RBMS1: variants seen among roughly 807,000 people sequenced by gnomAD.
The protein encoded by RBMS1 is RNA binding motif single stranded interacting protein 1.
Under a neutral mutation model 62.3 loss-of-function variants are expected in RBMS1, and 17 were observed. The observed-to-expected ratio is 0.27, with a 90% CI of 0.19 to 0.41. The LOEUF (loss-of-function observed/expected upper bound fraction) is 0.41. Ranked by LOEUF, RBMS1 falls within the 10% of genes least tolerant of loss-of-function variation. RBMS1 has a pLI of 1.00. For missense variants in RBMS1, 334 were observed against 504.5 expected, an observed-to-expected ratio of 0.66 and a Z score of 3.24; for synonymous variants, 172 against 170.0, an observed-to-expected ratio of 1.01 and a Z score of -0.09.
intron 1 of RBMS1, among the ~76,000 whole-genome samples, chr2:160,412,510 A>G (rs1424883092): frequency 6.6e-6 from 1 of 152,154 alleles, no homozygotes; most frequent in Non-Finnish European, 1.5e-5. Flanking sequence ...TGCTCTCTAA[A>G]ACTCTGTAAC....
intron 6 of RBMS1, among the ~76,000 whole-genome samples, chr2:160,298,971 T>C (rs939349323): frequency 2.2e-4 from 33 of 151,590 alleles, no homozygotes; most frequent in African/African-American, 8.0e-4. Context: ...CCTCATAGCC[T>C]GGCTTGGGTG....
intron 1 of RBMS1, among the ~76,000 whole-genome samples, chr2:160,411,747 G>A (rs1320116550): frequency 6.6e-6 from 1 of 152,106 alleles, no homozygotes; most frequent in Non-Finnish European, 1.5e-5. Flanking sequence ...TTTTTTCCAG[G>A]TTTTATCATG....
chr2:160,304,542 C>T (rs567259255), intron 4 of RBMS1, among the ~76,000 whole-genome samples: 9 of 152,102 alleles, frequency 5.9e-5, no homozygotes, highest in Admixed American at 1.3e-4. Flanking sequence ...ATGGCATATA[C>T]GATGGTGGTC....
intron 2 of RBMS1, among the ~76,000 whole-genome samples, chr2:160,333,725 G>A (rs1291190273): frequency 6.6e-6 from 1 of 152,174 alleles, no homozygotes; most frequent in African/African-American, 2.4e-5. Context: ...GTGGTGGAGA[G>A]TAATAAGCAC....
At chr2:160,423,032 C>T (rs988321019) in intron 1 of RBMS1, among the ~76,000 whole-genome samples, 3 of 152,070 alleles carry the variant, frequency 2.0e-5, no homozygotes, top group Non-Finnish European at 4.4e-5. Flanking sequence ...CATATCTATA[C>T]TTTTGCATCT....
At chr2:160,322,882 G>A (rs1253232095) in intron 2 of RBMS1, among the ~76,000 whole-genome samples, 1 of 152,140 alleles carries the variant, frequency 6.6e-6, no homozygotes, top group African/African-American at 2.4e-5. Flanking sequence ...CATGACAAAA[G>A]AGCCAGGAAA....
intron 1 of RBMS1, among the ~76,000 whole-genome samples, chr2:160,476,956 T>C (rs1406677965): frequency 6.6e-6 from 1 of 152,208 alleles, no homozygotes; most frequent in African/African-American, 2.4e-5. Flanking sequence ...TATTTCTAAA[T>C]ACACATGCAA....
intron 2 of RBMS1, among the ~76,000 whole-genome samples, chr2:160,323,616 A>C (rs909647394): frequency 6.8e-5 from 10 of 147,328 alleles, no homozygotes; most frequent in Non-Finnish European, 1.3e-4. Flanking sequence ...ATGAAAGAAA[A>C]AAAAAAAAAA....
chr2:160,381,948 CA>C (rs996905164), intron 1 of RBMS1, among the ~76,000 whole-genome samples: 18 of 152,156 alleles, frequency 1.2e-4, no homozygotes. Flanking sequence ...TTCAACTCAA[CA>C]AAAAGTCAGT....
chr2:160,433,057 A>G (rs1363890019), intron 1 of RBMS1, among the ~76,000 whole-genome samples: 4 of 152,086 alleles, frequency 2.6e-5, no homozygotes, highest in Admixed American at 2.6e-4. Flanking sequence ...CTTCTAGCTA[A>G]CTGGTCACAT....
chr2:160,361,944 CAG>C (rs1226270296), intron 2 of RBMS1, among the ~76,000 whole-genome samples: 4 of 152,236 alleles, frequency 2.6e-5, no homozygotes, highest in Admixed American at 6.5e-5. Flanking sequence ...GCTGACTGAT[CAG>C]AGTGGTGGCG....
chr2:160,291,688 T>G (rs575620643), intron 6 of RBMS1, among the ~76,000 whole-genome samples: 12 of 152,332 alleles, frequency 7.9e-5, no homozygotes, highest in African/African-American at 2.6e-4. Flanking sequence ...GAGTAACATT[T>G]GTAATATCGT....
rs62177273 is a variant in RBMS1, at chr2:160,334,148, T to C, written c.252-15921A>G. 7.7e-3 allele frequency among the ~76,000 whole-genome samples: 1,175 copies of C among 152,314 alleles called. 9 individuals are homozygous for C. The highest frequency in any genetic ancestry group is 0.014 in the Non-Finnish European group (924 of 68,018). ...GCATTTATCTATAGTACTTAAAGAT[T>C]TCCATTTAGCTGACACAACATTATG... is the stretch of plus-strand genomic sequence containing the variant. On this transcript the variant is annotated intron_variant, in intron 2 of 13. Coordinates refer to ENST00000348849, the MANE Select transcript of RBMS1 (RefSeq NM_016836.4).
intron 1 of RBMS1, among the ~76,000 whole-genome samples, chr2:160,405,751 C>A (rs146855654): frequency 2.6e-5 from 4 of 152,176 alleles, no homozygotes; most frequent in Non-Finnish European, 5.9e-5. Context: ...AGGCTACCCC[C>A]CTTCACACAC....
At chr2:160,311,244 A>ATATATATATATC (rs1689889336) in intron 4 of RBMS1, among the ~76,000 whole-genome samples, 1 of 88,892 alleles carries the variant, frequency 1.1e-5, no homozygotes, top group African/African-American at 3.6e-5. Flanking sequence ...ATATATATAT[A>ATATATATATATC]TATATATATA....
At chr2:160,344,933 G>T (rs1273425193) in intron 2 of RBMS1, among the ~76,000 whole-genome samples, 1 of 152,112 alleles carries the variant, frequency 6.6e-6, no homozygotes, top group Non-Finnish European at 1.5e-5. Context: ...TAATGATAAA[G>T]ATATATTAAT....
chr2:160,339,847 G>A (rs1691775950), intron 2 of RBMS1, among the ~76,000 whole-genome samples: 1 of 152,126 alleles, frequency 6.6e-6, no homozygotes, highest in African/African-American at 2.4e-5. Context: ...TTGATGTTTA[G>A]ATCATTACTG....
intron 1 of RBMS1, among the ~76,000 whole-genome samples, chr2:160,412,410 TG>T (rs1184617680): frequency 6.6e-6 from 1 of 152,184 alleles, no homozygotes; most frequent in Non-Finnish European, 1.5e-5. Context: ...AAGTTAAGGC[TG>T]GGTGACCTAT....
At chr2:160,378,663 C>T (rs1694125333) in intron 1 of RBMS1, among the ~76,000 whole-genome samples, 1 of 150,558 alleles carries the variant, frequency 6.6e-6, no homozygotes, top group Non-Finnish European at 1.5e-5. Context: ...CATAAGAGTA[C>T]ACTCAGAGTC....
Sources: allele counts gnomAD v4.1 joint callset (sites outside exome capture counted in the v4.1 genomes callset), GRCh38; gene constraint gnomAD v4.1.1; transcripts MANE v1.5; gene names NCBI Gene and HGNC (gene_info 2026-07-23, HGNC 2026-07-21).